The following SPIDR variants were observed in gnomAD, a reference collection of about 807,000 sequenced individuals.
SPIDR encodes scaffold protein involved in DNA repair, also known as DNA repair-scaffolding protein.
SPIDR carries 93 observed loss-of-function variants against 104.6 expected under a neutral mutation model. The observed-to-expected ratio is 0.89, with a 90% CI of 0.75 to 1.06. The LOEUF (loss-of-function observed/expected upper bound fraction) is 1.06. Among genes scored for constraint, SPIDR ranks in the 50% least tolerant of loss-of-function variants. SPIDR has a pLI of 0.00. For synonymous variants in SPIDR, 431 were observed against 416.9 expected (o/e 1.03, Z -0.41); for missense variants, 1,154 against 1,111.2 (o/e 1.04, Z -0.55).
intron 10 of SPIDR, among the ~76,000 whole-genome samples, chr8:47,626,708 G>A (rs2066186683): frequency 6.6e-6 from 1 of 152,204 alleles, no homozygotes; most frequent in Admixed American, 6.5e-5. Flanking sequence ...ATGCCAGTTA[G>A]AATGGCAATC....
chr8:47,452,296 T>C (rs1487538137), intron 8 of SPIDR, among the ~76,000 whole-genome samples: 1 of 151,994 alleles, frequency 6.6e-6, no homozygotes, highest in Non-Finnish European at 1.5e-5. Context: ...AAAGAAACTA[T>C]GGGGGCCAGA....
intron 10 of SPIDR, among the ~76,000 whole-genome samples, chr8:47,649,793 A>G (rs967069810): frequency 4.1e-4 from 62 of 152,348 alleles, no homozygotes; most frequent in African/African-American, 1.3e-3. Context: ...TTTTACAGGG[A>G]TGGTTTAACA....
At chr8:47,309,110 T>C (rs2043652477) in intron 5 of SPIDR, among the ~76,000 whole-genome samples, 1 of 152,196 alleles carries the variant, frequency 6.6e-6, no homozygotes, top group Non-Finnish European at 1.5e-5. Context: ...GTTGAAAGAG[T>C]TTAATTCTGA....
At chr8:47,312,765 C>T (rs1223846722) in intron 5 of SPIDR, among the ~76,000 whole-genome samples, 1 of 152,144 alleles carries the variant, frequency 6.6e-6, no homozygotes, top group African/African-American at 2.4e-5. Flanking sequence ...GTTGCCATTG[C>T]TTTTGGTGTT....
In SPIDR at chr8:47,333,224, G is replaced by A. The variant is rs576322345; in HGVS notation, c.525+39194G>A. Among the ~76,000 whole-genome samples the A allele has an allele frequency of 5.9e-5, 9 of 152,212 alleles. No individual in the cohort carries two copies. The South Asian group carries it at 1.5e-3, about 25-fold the overall frequency. On this transcript the variant is annotated intron_variant, in intron 5 of 19. Coordinates refer to ENST00000297423, the MANE Select transcript of SPIDR (RefSeq NM_001080394.4). ...AGTGCCTTCTTCTGGAATACCTCCTGAAGGGATCTGCTTGAGGATCTTGAG... is the reference window on the plus strand; with the variant it reads ...AGTGCCTTCTTCTGGAATACCTCCTAAAGGGATCTGCTTGAGGATCTTGAG...
intron 10 of SPIDR, among the ~76,000 whole-genome samples, chr8:47,616,087 A>AT (rs2064272199): frequency 6.6e-6 from 1 of 152,152 alleles, no homozygotes; most frequent in Non-Finnish European, 1.5e-5. Context: ...TTTTTAAAAA[A>AT]TTTTCTACAT....
intron 10 of SPIDR, among the ~76,000 whole-genome samples, chr8:47,606,571 C>T (rs968278430): frequency 6.6e-6 from 1 of 151,994 alleles, no homozygotes; most frequent in African/African-American, 2.4e-5. Context: ...ATCCCAAACT[C>T]CTGATGGTGA....
At chr8:47,658,591 C>G (rs1329540028) in intron 10 of SPIDR, among the ~76,000 whole-genome samples, 1 of 138,530 alleles carries the variant, frequency 7.2e-6, no homozygotes, top group Non-Finnish European at 1.6e-5. Context: ...TGTTGTTAAT[C>G]TCAGCAGCAC....
chr8:47,545,367 C>T (rs930063687), intron 8 of SPIDR, among the ~76,000 whole-genome samples: 1 of 151,728 alleles, frequency 6.6e-6, no homozygotes, highest in Non-Finnish European at 1.5e-5. Context: ...CTGTGCCCGG[C>T]CTTTTTTTCT....
intron 19 of SPIDR, chr8:47,732,314 T>C: frequency 1.5e-6 from 1 of 655,782 alleles, no homozygotes; most frequent in Non-Finnish European, 2.8e-6. Context: ...ATTTATGCAG[T>C]ATGTGTGCAT....
chr8:47,318,317 T>A lies in SPIDR; in HGVS notation c.525+24287T>A, dbSNP rs953120695. ...CGAATGCACAAGCCTCAGTAGCCGA[T>A]TCGATCAACTGGAAGAAAGGGTATC... On this transcript the variant is annotated intron_variant, in intron 5 of 19. Coordinates refer to ENST00000297423, the MANE Select transcript of SPIDR (RefSeq NM_001080394.4). Among the ~76,000 whole-genome samples, 713 of 152,060 alleles carry A rather than the reference T, an allele frequency of 4.7e-3. 3 individuals are homozygous for A. The highest frequency in any genetic ancestry group is 0.016 in the African/African-American group (676 of 41,462).
chr8:47,646,440 T>C (rs777868738), intron 10 of SPIDR, among the ~76,000 whole-genome samples: 6 of 152,228 alleles, frequency 3.9e-5, no homozygotes, highest in African/African-American at 1.4e-4. Context: ...CCAACAGATA[T>C]ACTTGTGTAT....
At chr8:47,608,861 C>T (rs1464011721) in intron 10 of SPIDR, among the ~76,000 whole-genome samples, 5 of 152,150 alleles carry the variant, frequency 3.3e-5, no homozygotes, top group African/African-American at 1.2e-4. Context: ...GTAGCTGGGA[C>T]TACACGTGCG....
At position 47,599,072 on chromosome 8, in the gene SPIDR, G is replaced by A. The variant is rs752391285; in HGVS notation, c.1420G>A (p.Ala474Thr). Residue 474 changes from alanine (A) to threonine (T), a missense_variant, in exon 10 of 20, where the codon GCT becomes ACT. Ala to Thr is a moderately conservative substitution (Grantham distance 58, BLOSUM62 0). Coordinates refer to ENST00000297423, the MANE Select transcript of SPIDR (RefSeq NM_001080394.4). ...SLLDVVESQG[A>T]ASWPGAGVRV... ...CCTGGATGTGGTGGAAAGCCAGGGA[G>A]CTGCCTCGTGGCCAGGAGCTGGAGT... is the stretch of plus-strand genomic sequence containing the variant. 6.2e-7 allele frequency: 1 copy of A among 1,612,866 alleles called. No homozygotes were observed. Among genetic ancestry groups the A allele is most frequent in the South Asian group, 1.1e-5 (1 of 90,838 alleles).
At chr8:47,503,950 T>G (rs1156584284) in intron 8 of SPIDR, among the ~76,000 whole-genome samples, 1 of 152,216 alleles carries the variant, frequency 6.6e-6, no homozygotes, top group African/African-American at 2.4e-5. Context: ...TTTAAGAATG[T>G]TGAATATTGG....
chr8:47,672,657 C>A (rs1298460341), intron 10 of SPIDR, among the ~76,000 whole-genome samples: 5 of 152,210 alleles, frequency 3.3e-5, no homozygotes, highest in Non-Finnish European at 5.9e-5. Flanking sequence ...TTTTGGGGAC[C>A]TTTTACCTCT....
intron 5 of SPIDR, among the ~76,000 whole-genome samples, chr8:47,364,664 T>C (rs1241744803): frequency 1.3e-5 from 2 of 152,248 alleles, no homozygotes; most frequent in East Asian, 1.9e-4. Context: ...CAAATCTTAC[T>C]ATGATTTGAG....
chr8:47,272,976 A>G (rs1280936294), intron 1 of SPIDR, among the ~76,000 whole-genome samples: 1 of 152,238 alleles, frequency 6.6e-6, no homozygotes, highest in African/African-American at 2.4e-5. Context: ...ATAAAAAGGA[A>G]AAACAAACTG....
At chr8:47,466,022 A>G (rs1473097703) in intron 8 of SPIDR, among the ~76,000 whole-genome samples, 4 of 152,166 alleles carry the variant, frequency 2.6e-5, no homozygotes, top group Non-Finnish European at 5.9e-5. Flanking sequence ...AGATCCGTAA[A>G]GCAAGTTCTT....
Sources: gnomAD v4.1 joint callset for allele counts (sites outside exome capture counted in the v4.1 genomes callset) on GRCh38, gnomAD v4.1.1 for gene constraint, MANE v1.5 for transcripts, NCBI Gene and HGNC (gene_info 2026-07-23, HGNC 2026-07-21) for gene names.